The following ADGRE5 variants were observed in gnomAD, a reference collection of about 807,000 sequenced individuals.
ADGRE5 encodes adhesion G protein-coupled receptor E5.
ADGRE5 carries 72 observed loss-of-function variants against 100.3 expected under a neutral mutation model. The ratio of observed to expected loss-of-function variants is 0.72; its 90% CI spans 0.59 to 0.87. ADGRE5 has a LOEUF of 0.87. Ranked by LOEUF, ADGRE5 falls within the 40% of genes least tolerant of loss-of-function variation. ADGRE5 has a pLI of 0.00. For missense variants in ADGRE5, 959 were observed against 1,094.7 expected (o/e 0.88, Z 1.75); for synonymous variants, 439 against 447.8 (o/e 0.98, Z 0.25).
Position 14,406,362 on chromosome 19 carries a change from T to G in ADGRE5, c.1853T>G (p.Leu618Arg), listed in dbSNP as rs1411532337. Reference sequence around the variant, plus strand: ...CTGCGCTGCCGCCTGGTGGCCGGGCTGCTGCACTACTGTTTCCTGGCCGCC... The same window carrying G: ...CTGCGCTGCCGCCTGGTGGCCGGGCGGCTGCACTACTGTTTCCTGGCCGCC... ...VGLRCRLVAG[L>R]LHYCFLAAFC... Residue 618 changes from leucine (L) to arginine (R), a missense_variant, in exon 15 of 20, where the codon CTG (leucine) becomes CGG (arginine). This residue lies in a region of ADGRE5 where 428 missense variants were observed against 386.2 expected (regional missense o/e 1.11). Transcript: ENST00000242786. The surrounding 1 kb of genome is among the most constrained non-coding windows in gnomAD (Gnocchi z 6.0). The G allele has an allele frequency of 1.3e-6, 2 of 1,581,568 alleles. No homozygotes were observed. The highest frequency in any genetic ancestry group is 1.8e-5 in the Admixed American group (1 of 55,338).
rs891585823 is a variant in ADGRE5, at chr19:14,408,240, G to A, written c.*119G>A. 1.7e-5 allele frequency: 20 copies of A among 1,169,146 alleles called. No individual in the cohort carries two copies. The highest frequency in any genetic ancestry group is 1.4e-4 in the Admixed American group (7 of 50,690). 72.4% of individuals were successfully genotyped at this position (1,169,146 alleles called of 1,614,324 possible). A position where few individuals can be genotyped will look rare whatever the true frequency, so the allele number is the denominator to read the frequency against. On this transcript the variant is annotated 3_prime_UTR_variant, in exon 20 of 20. Transcript: ENST00000242786. ...CCCTCCACCCTCCCTCCCTGATCCC[G>A]TGTGCCACCAGGAGGGAGTGGCAGC...
At chr19:14,390,414 C>G (rs1035829769) in intron 3 of ADGRE5, among the ~76,000 whole-genome samples, 1 of 151,508 alleles carries the variant, frequency 6.6e-6, no homozygotes, top group Non-Finnish European at 1.5e-5. Flanking sequence ...ACCTCCACCT[C>G]CTAGGTTCAA....
intron 3 of ADGRE5, 150 bp downstream of exon 3, chr19:14,388,968 G>A (rs1363529836): frequency 1.2e-6 from 1 of 818,310 alleles, no homozygotes; most frequent in Non-Finnish European, 2.0e-6. Flanking sequence ...CAGGCGTGGT[G>A]GCTCACGCCT....
Position 14,408,467 on chromosome 19 carries a change from C to T in ADGRE5, c.*346C>T, listed in dbSNP as rs1976381975. ...GGCGCTTGTCCCATCCTGGACTTTT[C>T]CTCTCATGTCTTTGCTGCAGAACTG... On this transcript the variant is annotated 3_prime_UTR_variant, in exon 20 of 20. Coordinates refer to ENST00000242786, the MANE Select transcript of ADGRE5 (RefSeq NM_078481.4). 2 of 527,326 alleles carry T rather than the reference C, an allele frequency of 3.8e-6. No homozygotes were observed. The highest frequency in any genetic ancestry group is 6.8e-6 in the Non-Finnish European group (2 of 292,248). The allele number at this position is 527,326 out of a possible 1,614,324, so 32.7% of individuals were successfully genotyped here. A position where few individuals can be genotyped will look rare whatever the true frequency, so the allele number is the denominator to read the frequency against.
Position 14,406,383 on chromosome 19 carries a change from C to A in ADGRE5, c.1874C>A (p.Ala625Asp), listed in dbSNP as rs1342430755. The A allele has an allele frequency of 7.0e-5, 111 of 1,589,574 alleles. No homozygotes were observed. The highest frequency in any genetic ancestry group is 9.5e-5 in the Non-Finnish European group (111 of 1,169,172). ...VAGLLHYCFLAAFCWMSLEGL... is the reference protein window; with the variant it reads ...VAGLLHYCFLDAFCWMSLEGL... ...GGGCTGCTGCACTACTGTTTCCTGG[C>A]CGCCTTCTGCTGGATGAGCCTCGAA... The change falls in exon 15 of 20, where the codon GCC becomes GAC. Residue 625 changes from alanine to aspartate, a missense_variant. Transcript: ENST00000242786. This position sits in a 1 kb window ranked among gnomAD's most constrained non-coding sequence, Gnocchi z 6.0.
intron 12 of ADGRE5, among the ~76,000 whole-genome samples, chr19:14,403,408 A>G (rs961851069): frequency 1.4e-4 from 21 of 152,116 alleles, no homozygotes; most frequent in Admixed American, 1.2e-3. Context: ...GCTGGAGTGC[A>G]GTGGCGCGAT....
intron 1 of ADGRE5, among the ~76,000 whole-genome samples, chr19:14,386,842 C>T (rs961924855): frequency 6.7e-6 from 1 of 150,162 alleles, no homozygotes; most frequent in South Asian, 2.1e-4. Context: ...GGTGAAACCC[C>T]GTCTCTACAA....
chr19:14,401,744 T>C lies in ADGRE5; in HGVS notation c.1167T>C (p.Ala389=). 1 of 1,556,812 alleles carries C rather than the reference T, an allele frequency of 6.4e-7. No individual in the cohort carries two copies. The highest frequency in any genetic ancestry group is 8.7e-7 in the Non-Finnish European group (1 of 1,153,142). ...ARMKLNWAVA[A]GAEDPGPAVA... is the part of the protein sequence containing the mutation. ...TGAAGCTGAATTGGGCTGTGGCAGC[T>C]GGAGCCGAGGATCCAGGTAGCAGCG... is the stretch of plus-strand genomic sequence containing the variant. Residue 389 remains alanine (A), a synonymous_variant, in exon 11 of 20, where the codon GCT becomes GCC. Coordinates refer to ENST00000242786, the MANE Select transcript of ADGRE5 (RefSeq NM_078481.4). This position sits in a 1 kb window ranked among gnomAD's most constrained non-coding sequence, Gnocchi z 4.1.
At chr19:14,383,681 A>G (rs978241480) in intron 1 of ADGRE5, among the ~76,000 whole-genome samples, 6 of 151,640 alleles carry the variant, frequency 4.0e-5, no homozygotes, top group Admixed American at 6.6e-5. Flanking sequence ...CAGCCCAGAG[A>G]ATGCAAACCA....
chr19:14,400,082 C>T (rs1243148531), intron 9 of ADGRE5, among the ~76,000 whole-genome samples: 5 of 151,830 alleles, frequency 3.3e-5, no homozygotes, highest in Admixed American at 6.6e-5. Flanking sequence ...TGCAGTGGCA[C>T]GATCTCGGCT....
At chr19:14,398,361 G>T in intron 9 of ADGRE5, 1 of 563,624 alleles carries the variant, frequency 1.8e-6, no homozygotes, top group Non-Finnish European at 3.2e-6. Context: ...TGGCAACAGA[G>T]TGCAGCACTT....
rs1163586840 is a variant in ADGRE5, at chr19:14,397,220, G to A, written c.622G>A (p.Glu208Lys). Reference protein sequence around the residue: ...SPNGPNNTVCEDVDECSSGQH... With the variant: ...SPNGPNNTVCKDVDECSSGQH... ...CAATGGCCCAAACAATACCGTCTGT[G>A]AAGGTCGAGAGCTCAGATCCCACGT... is the stretch of plus-strand genomic sequence containing the variant. Residue 208 changes from glutamate to lysine, a missense_variant, in exon 6 of 20, where the codon GAA becomes AAA. By Grantham distance (56) the Glu-to-Lys change is moderately conservative. Transcript: ENST00000242786. 1 of 1,614,104 alleles carries A rather than the reference G, an allele frequency of 6.2e-7. No homozygotes were observed. The highest frequency in any genetic ancestry group is 1.6e-4 in the Middle Eastern group (1 of 6,062).
intron 13 of ADGRE5, 173 bp from the exon 14 acceptor site, chr19:14,405,575 T>C: frequency 1.7e-6 from 1 of 577,600 alleles, no homozygotes; most frequent in Non-Finnish European, 3.0e-6. Context: ...AGCACAAAAA[T>C]GTGAAATCCC....
At position 14,408,072 on chromosome 19, in the gene ADGRE5, C is replaced by A. The variant is rs759172691; in HGVS notation, c.2479-20C>A. ...GCACCAGGGCTAGCGGGGCTCAGGCCTCTGGGCTCTCCTCTCCAGGCCCTC... is the reference window on the plus strand; with the variant it reads ...GCACCAGGGCTAGCGGGGCTCAGGCATCTGGGCTCTCCTCTCCAGGCCCTC... On this transcript the variant is annotated intron_variant, in intron 19 of 19. Coordinates refer to ENST00000242786, the MANE Select transcript of ADGRE5 (RefSeq NM_078481.4). 6.2e-7 allele frequency: 1 copy of A among 1,614,092 alleles called. No homozygotes were observed. Among genetic ancestry groups the A allele is most frequent in the Admixed American group, 1.7e-5 (1 of 60,018 alleles).
At chr19:14,395,312 A>C (rs946132276) in intron 4 of ADGRE5, among the ~76,000 whole-genome samples, 1 of 151,722 alleles carries the variant, frequency 6.6e-6, no homozygotes, top group Non-Finnish European at 1.5e-5. Flanking sequence ...AAAAAAAAAA[A>C]AAAAAAACAA....
chr19:14,396,279 A>G, intron 4 of ADGRE5, 63 bp from the exon 5 acceptor site: 1 of 1,613,430 alleles, frequency 6.2e-7, no homozygotes, highest in South Asian at 1.1e-5. Flanking sequence ...AACATGGCGG[A>G]CCCTCAGCCC....
Position 14,405,911 on chromosome 19 carries a change from T to C in ADGRE5, c.1793T>C (p.Leu598Pro). 1.2e-6 allele frequency: 2 copies of C among 1,610,432 alleles called. No homozygotes were observed. Among genetic ancestry groups the C allele is most frequent in the Non-Finnish European group, 1.7e-6 (2 of 1,179,930 alleles). The stretch of plus-strand genomic sequence containing the variant: ...CTCTTCGTGGGCTCCACCATCTTCC[T>C]GGCCGGCATCGAGAACGAAGGCGGC... Reference protein sequence around the residue: ...ICLFVGSTIFLAGIENEGGQV... With the variant: ...ICLFVGSTIFPAGIENEGGQV... The change falls in exon 14 of 20, where the codon CTG becomes CCG. Residue 598 changes from leucine (L) to proline (P), a missense_variant. Coordinates refer to ENST00000242786, the MANE Select transcript of ADGRE5 (RefSeq NM_078481.4).
intron 1 of ADGRE5, among the ~76,000 whole-genome samples, chr19:14,385,530 A>G (rs1975315668): frequency 6.6e-6 from 1 of 152,142 alleles, no homozygotes; most frequent in Non-Finnish European, 1.5e-5. Flanking sequence ...GGTCCCCCAG[A>G]ACATGCCTTG....
intron 1 of ADGRE5, among the ~76,000 whole-genome samples, 165 bp downstream of exon 1, chr19:14,381,710 T>G (rs1599605016): frequency 6.6e-6 from 1 of 152,132 alleles, no homozygotes; most frequent in Non-Finnish European, 1.5e-5. Context: ...GGGCTGGTGG[T>G]GCTTGGGCAC....
Sources: allele counts gnomAD v4.1 joint callset (sites outside exome capture counted in the v4.1 genomes callset), GRCh38; gene constraint gnomAD v4.1.1; regional missense constraint gnomAD v4.1.1; non-coding constraint Gnocchi (gnomAD v3.1); transcripts MANE v1.5; gene names NCBI Gene and HGNC (gene_info 2026-07-23, HGNC 2026-07-21).